The following ACAD11 variants were observed in gnomAD, a reference collection of about 807,000 sequenced individuals.
ACAD11 encodes the protein acyl-CoA dehydrogenase family member 11.
Under a neutral mutation model 102.2 loss-of-function variants are expected in ACAD11, and 83 were observed. The ratio of observed to expected loss-of-function variants is 0.81; its 90% confidence interval spans 0.68 to 0.97. The LOEUF (loss-of-function observed/expected upper bound fraction) is 0.97, where lower values mean the gene tolerates loss of function less well. Among genes scored for constraint, ACAD11 ranks in the 50% least tolerant of loss-of-function variants. ACAD11 has a pLI of 0.00. For synonymous variants in ACAD11, 324 were observed against 319.8 expected (o/e 1.01, Z -0.14); for missense variants, 901 against 951.7 (o/e 0.95, Z 0.70).
At chr3:132,560,193 C>T (rs1311684602) in intron 18 of ACAD11, among the ~76,000 whole-genome samples, 1 of 152,140 alleles carries the variant, frequency 6.6e-6, no homozygotes, top group Non-Finnish European at 1.5e-5. Flanking sequence ...AAAAGGATTT[C>T]AGGCAGCTGA....
chr3:132,641,716 A>G (rs1220016678), intron 4 of ACAD11, among the ~76,000 whole-genome samples: 1 of 151,742 alleles, frequency 6.6e-6, no homozygotes, highest in African/African-American at 2.4e-5. Flanking sequence ...AAGAAGAAGA[A>G]GAAGAAGAAG....
intron 4 of ACAD11, among the ~76,000 whole-genome samples, chr3:132,641,692 GGAAGAGGAAGAAGAAGAAGAA>G (rs1344190028): frequency 1.6e-5 from 2 of 126,086 alleles, no homozygotes; most frequent in African/African-American, 5.8e-5. Context: ...AAGAGGAAGA[GGAAGAGGAAGAAGAAGAAGAA>G]GAAGAAGAAG....
intron 17 of ACAD11, among the ~76,000 whole-genome samples, chr3:132,569,780 T>A (rs115017176): frequency 0.027 from 4,150 of 152,224 alleles, 212 homozygotes; most frequent in African/African-American, 0.096. Flanking sequence ...AAGAACAGAT[T>A]AGTGGTTGCC....
chr3:132,558,731 G>A lies in ACAD11; in HGVS notation c.*240C>T. ...TGCCCAGGCTGGTCCTGAACTCCTG[G>A]CCTCAAGGAGGCACTAGATTGAATG... On this transcript the variant is annotated 3_prime_UTR_variant, in exon 20 of 20. Transcript: ENST00000264990. The A allele has an allele frequency of 2.3e-6, 1 of 430,732 alleles. No individual in the cohort carries two copies. Among genetic ancestry groups the A allele is most frequent in the Non-Finnish European group, 4.1e-6 (1 of 244,730 alleles). 26.7% of individuals were successfully genotyped at this position (430,732 alleles called of 1,614,324 possible).
chr3:132,561,645 G>A (rs1937060717), intron 17 of ACAD11, among the ~76,000 whole-genome samples: 1 of 152,196 alleles, frequency 6.6e-6, no homozygotes, highest in Admixed American at 6.5e-5. Context: ...CACAATTTCA[G>A]TGTGGGGACA....
chr3:132,618,842 T>A (rs1367665317), intron 10 of ACAD11, 70 bp from the exon 11 acceptor site: 15 of 1,357,282 alleles, frequency 1.1e-5, no homozygotes, highest in African/African-American at 1.5e-5. Flanking sequence ...TTTCTTTTTT[T>A]AAATATTGGT....
chr3:132,641,702 GA>G (rs772043146), intron 4 of ACAD11, among the ~76,000 whole-genome samples: 7,715 of 123,816 alleles, frequency 0.062, 279 homozygotes, highest in Middle Eastern at 0.098. Context: ...GGAAGAGGAA[GA>G]AGAAGAAGAA....
chr3:132,627,388 G>C (rs1391606310), intron 8 of ACAD11, among the ~76,000 whole-genome samples: 1 of 152,110 alleles, frequency 6.6e-6, no homozygotes, highest in East Asian at 1.9e-4. Context: ...GCTGAACTAA[G>C]GAGCAAAAAA....
chr3:132,615,625 A>G (rs1408237460), intron 11 of ACAD11, among the ~76,000 whole-genome samples: 1 of 152,188 alleles, frequency 6.6e-6, no homozygotes, highest in Non-Finnish European at 1.5e-5. Flanking sequence ...GAGCTGAACA[A>G]TGAAAACACA....
chr3:132,648,551 A>G (rs1940804850), intron 1 of ACAD11: 1 of 149,110 alleles, frequency 6.7e-6, no homozygotes, highest in South Asian at 2.1e-4. Flanking sequence ...AGGAACTGGA[A>G]AAAAAAAAAA....
chr3:132,641,584 A>AGAGGAG (rs1940504090), intron 4 of ACAD11, among the ~76,000 whole-genome samples: 1 of 147,268 alleles, frequency 6.8e-6, no homozygotes, highest in Non-Finnish European at 1.5e-5. Flanking sequence ...AAGAAGAAGA[A>AGAGGAG]GAAGAAGAAG....
intron 1 of ACAD11, chr3:132,648,885 T>C (rs1288103863): frequency 6.6e-6 from 1 of 152,302 alleles, no homozygotes; most frequent in Non-Finnish European, 1.5e-5. Context: ...CCCTGAACAA[T>C]TGCTTTGCCT....
chr3:132,575,839 C>T lies in ACAD11; in HGVS notation c.1934G>A (p.Arg645His), dbSNP rs377349315. ...CCGCTCACACATGATCTGCAAAGCG[C>T]GTTCCGCCAAACCTACTGTTCTCAT... is the stretch of plus-strand genomic sequence containing the variant. The part of the protein sequence containing the change: ...HCMRTVGLAE[R>H]ALQIMCERAT... The change falls in exon 17 of 20, where the codon CGC becomes CAC. Residue 645 changes from arginine (R) to histidine (H), a missense_variant. Physicochemically the swap from Arg to His is conservative, Grantham distance 29. Coordinates refer to ENST00000264990, the MANE Select transcript of ACAD11 (RefSeq NM_032169.5). The T allele has an allele frequency of 1.3e-5, 21 of 1,614,072 alleles. No homozygotes were observed. The highest frequency in any genetic ancestry group is 9.9e-5 in the South Asian group (9 of 91,082).
intron 1 of ACAD11, chr3:132,647,309 T>C (rs1305216065): frequency 3.9e-5 from 6 of 152,304 alleles, no homozygotes; most frequent in Middle Eastern, 3.4e-3. Flanking sequence ...AGAATCATCA[T>C]TGAACCAATA....
At chr3:132,608,269 T>C (rs778240009) in intron 11 of ACAD11, among the ~76,000 whole-genome samples, 2 of 152,098 alleles carry the variant, frequency 1.3e-5, no homozygotes, top group African/African-American at 4.8e-5. Flanking sequence ...AATTCACATA[T>C]AACAATATTA....
intron 13 of ACAD11, among the ~76,000 whole-genome samples, chr3:132,581,715 T>A (rs1199873885): frequency 1.3e-5 from 2 of 151,960 alleles, no homozygotes; most frequent in Admixed American, 6.6e-5. Flanking sequence ...TGACATGAAT[T>A]TAATATATAG....
At chr3:132,600,655 A>G (rs1322219749) in intron 13 of ACAD11, 2 of 1,613,728 alleles carry the variant, frequency 1.2e-6, no homozygotes, top group Admixed American at 3.3e-5. Context: ...TGGCTGTAGC[A>G]GATTTACTCC....
chr3:132,641,662 GGAGGAA>G (rs1388618793), intron 4 of ACAD11, among the ~76,000 whole-genome samples: 18 of 141,528 alleles, frequency 1.3e-4, no homozygotes, highest in East Asian at 4.1e-4. Flanking sequence ...AGGAAGAAGA[GGAGGAA>G]GAAGAGGAAG....
intron 5 of ACAD11, among the ~76,000 whole-genome samples, chr3:132,632,214 G>A (rs1446759960): frequency 6.6e-6 from 1 of 151,940 alleles, no homozygotes; most frequent in Non-Finnish European, 1.5e-5. Flanking sequence ...CTCCCGAATA[G>A]CTGGGACTAC....
Sources: gnomAD v4.1 joint callset for allele counts (sites outside exome capture counted in the v4.1 genomes callset) on GRCh38, gnomAD v4.1.1 for gene constraint, MANE v1.5 for transcripts, NCBI Gene and HGNC (gene_info 2026-07-23, HGNC 2026-07-21) for gene names.